XKR6: variants seen among roughly 807,000 people sequenced by gnomAD.
The protein encoded by XKR6 is XK-related protein 6.
XKR6 carries 22 observed loss-of-function variants against 56.7 expected under a neutral mutation model. The ratio of observed to expected loss-of-function variants is 0.39; its 90% CI spans 0.28 to 0.55. The LOEUF (loss-of-function observed/expected upper bound fraction) is 0.55, where lower values mean the gene tolerates loss of function less well. Among genes scored for constraint, XKR6 ranks in the 20% least tolerant of loss-of-function variants. The pLI, the probability that XKR6 is intolerant of heterozygous loss-of-function variation, is 0.66. For missense variants in XKR6, 852 were observed against 889.0 expected (o/e 0.96, Z 0.53); for synonymous variants, 524 against 387.8 (o/e 1.35, Z -4.13).
intron 1 of XKR6, among the ~76,000 whole-genome samples, chr8:11,159,762 G>C (rs146821237): frequency 1.2e-4 from 19 of 152,184 alleles, no homozygotes; most frequent in Admixed American, 2.0e-4. Flanking sequence ...TTAGAAATGG[G>C]GTATACAACA....
chr8:10,962,954 C>T (rs1236312107), intron 1 of XKR6, among the ~76,000 whole-genome samples: 1 of 152,176 alleles, frequency 6.6e-6, no homozygotes, highest in East Asian at 1.9e-4. Context: ...TGGATAGGAT[C>T]CCAGTTGTGG....
At chr8:10,953,229 G>A (rs773791924) in intron 1 of XKR6, among the ~76,000 whole-genome samples, 33 of 152,116 alleles carry the variant, frequency 2.2e-4, no homozygotes, top group Admixed American at 2.0e-4. Context: ...CATGAAACTG[G>A]TCCCTGGTGC....
chr8:11,170,211 T>C (rs1200011093), intron 1 of XKR6, among the ~76,000 whole-genome samples: 1 of 152,172 alleles, frequency 6.6e-6, no homozygotes, highest in African/African-American at 2.4e-5. Context: ...CCAACAAAAA[T>C]TAAGACTCAC....
At chr8:11,147,439 G>GAGGAT (rs1801041537) in intron 1 of XKR6, among the ~76,000 whole-genome samples, 2 of 152,014 alleles carry the variant, frequency 1.3e-5, no homozygotes, top group African/African-American at 4.8e-5. Context: ...GCTGAGGCAG[G>GAGGAT]CAGATCAAGA....
At chr8:10,920,649 A>G (rs1056793982) in intron 2 of XKR6, among the ~76,000 whole-genome samples, 1 of 152,272 alleles carries the variant, frequency 6.6e-6, no homozygotes, top group Non-Finnish European at 1.5e-5. Flanking sequence ...ATCTACTGGC[A>G]TAACAAAATT....
chr8:11,114,400 A>T (rs1414450106), intron 1 of XKR6, among the ~76,000 whole-genome samples: 1 of 152,176 alleles, frequency 6.6e-6, no homozygotes, highest in Non-Finnish European at 1.5e-5. Context: ...TCACTCTGTC[A>T]CCCAGGCTAG....
In XKR6 at chr8:10,909,562, G is replaced by T. The variant is rs140691429; in HGVS notation, c.962-10646C>A. Among the ~76,000 whole-genome samples the T allele has an allele frequency of 7.3e-3, 1,118 of 152,266 alleles. 20 individuals carry two copies. Among genetic ancestry groups the T allele is most frequent in the African/African-American group, 0.026 (1,067 of 41,544 alleles). On this transcript the variant is annotated intron_variant, in intron 2 of 2. Transcript: ENST00000416569. ...TGGAATTACATGCAAAACTGTGTGGGTATTTTTCTCATGAATGAGTCCACA... is the reference window on the plus strand; with the variant it reads ...TGGAATTACATGCAAAACTGTGTGGTTATTTTTCTCATGAATGAGTCCACA...
intron 1 of XKR6, among the ~76,000 whole-genome samples, chr8:11,102,512 A>G (rs1199182661): frequency 6.6e-6 from 1 of 152,242 alleles, no homozygotes; most frequent in Non-Finnish European, 1.5e-5. Flanking sequence ...AGGTGGGGAC[A>G]GACAGGAAGC....
At chr8:10,955,258 G>C (rs1293382628) in intron 1 of XKR6, among the ~76,000 whole-genome samples, 3 of 151,822 alleles carry the variant, frequency 2.0e-5, no homozygotes, top group African/African-American at 7.3e-5. Flanking sequence ...CTGCAGTCTT[G>C]ACCTCCCAGG....
chr8:11,023,110 G>C (rs1204967758), intron 1 of XKR6, among the ~76,000 whole-genome samples: 2 of 152,214 alleles, frequency 1.3e-5, no homozygotes, highest in South Asian at 2.1e-4. Context: ...CCAGAGACAG[G>C]AACTCGTCTC....
At chr8:10,944,347 C>T (rs11777007) in intron 1 of XKR6, among the ~76,000 whole-genome samples, 84,003 of 152,026 alleles carry the variant, frequency 0.55, 25,196 homozygotes, top group African/African-American at 0.75. Context: ...TGGCTGAACC[C>T]ACAACGAGAC....
intron 1 of XKR6, among the ~76,000 whole-genome samples, chr8:11,032,888 G>C (rs1799025634): frequency 6.6e-6 from 1 of 152,210 alleles, no homozygotes; most frequent in African/African-American, 2.4e-5. Context: ...TGGCTTTGCT[G>C]GTGGTGGAGA....
rs144585745 is a variant in XKR6, at chr8:11,058,704, G to A, written c.765-133874C>T. On this transcript the variant is annotated intron_variant, in intron 1 of 2. Coordinates refer to ENST00000416569, the MANE Select transcript of XKR6 (RefSeq NM_173683.4). ...GCCTGTCGTGGGCTGGGGTCAAGTC[G>A]AGGGAGAGCATTAGGACAAACACCT... Among the ~76,000 whole-genome samples the A allele has an allele frequency of 2.3e-3, 347 of 152,276 alleles. 2 individuals carry two copies. The highest frequency in any genetic ancestry group is 7.9e-3 in the African/African-American group (330 of 41,562).
chr8:11,064,251 A>G (rs4407841), intron 1 of XKR6, among the ~76,000 whole-genome samples: 36,673 of 152,086 alleles, frequency 0.24, 5,153 homozygotes, highest in Non-Finnish European at 0.32. Flanking sequence ...CCTCCCCATT[A>G]ATCTTTCAGC....
chr8:11,190,215 A>AGAAG (rs1226126927), intron 1 of XKR6, among the ~76,000 whole-genome samples: 14 of 149,476 alleles, frequency 9.4e-5, no homozygotes, highest in Non-Finnish European at 1.9e-4. Context: ...AAAGAAAGAA[A>AGAAG]GAAAGAAAGA....
chr8:11,094,290 G>A (rs1798198300), intron 1 of XKR6, among the ~76,000 whole-genome samples: 1 of 152,140 alleles, frequency 6.6e-6, no homozygotes, highest in Admixed American at 6.6e-5. Context: ...CGGGGTTCAA[G>A]CGATTCTCCT....
At chr8:10,929,170 G>A (rs74719349) in intron 1 of XKR6, among the ~76,000 whole-genome samples, 5,141 of 152,328 alleles carry the variant, frequency 0.034, 123 homozygotes, top group Non-Finnish European at 0.05. Context: ...AGAGCACAAA[G>A]GATGGCCTAG....
At chr8:11,110,391 C>G (rs939238125) in intron 1 of XKR6, among the ~76,000 whole-genome samples, 1 of 152,198 alleles carries the variant, frequency 6.6e-6, no homozygotes, top group Non-Finnish European at 1.5e-5. Flanking sequence ...TATTCAGCTT[C>G]CAAAAGCCAT....
intron 1 of XKR6, among the ~76,000 whole-genome samples, chr8:11,104,483 C>T (rs959498321): frequency 3.3e-5 from 5 of 152,234 alleles, no homozygotes; most frequent in African/African-American, 1.2e-4. Context: ...TGTCCTTCCA[C>T]TGGGAAAATG....
Sources: allele counts gnomAD v4.1 joint callset (sites outside exome capture counted in the v4.1 genomes callset), GRCh38; gene constraint gnomAD v4.1.1; transcripts MANE v1.5; gene names NCBI Gene and HGNC (gene_info 2026-07-23, HGNC 2026-07-21).